Variants in HIF1A observed in about 807,000 individuals in gnomAD.
The protein encoded by HIF1A is hypoxia inducible factor 1 subunit alpha.
In HIF1A, 24 loss-of-function variants were observed where a neutral mutation model predicts 92.7. The observed-to-expected ratio is 0.26, with a 90% CI of 0.19 to 0.36. The LOEUF (loss-of-function observed/expected upper bound fraction) is 0.36. Among genes scored for constraint, HIF1A ranks in the 10% least tolerant of loss-of-function variants. The pLI, the probability that HIF1A is intolerant of heterozygous loss-of-function variation, is 1.00. For missense variants in HIF1A, 799 were observed against 998.5 expected (o/e 0.80, Z 2.69); for synonymous variants, 319 against 338.7 (o/e 0.94, Z 0.64).
intron 10 of HIF1A, among the ~76,000 whole-genome samples, chr14:61,738,738 GTTTGT>G (rs1208566150): frequency 3.9e-5 from 6 of 152,012 alleles, no homozygotes; most frequent in African/African-American, 1.4e-4. Flanking sequence ...ACCCCTTTTA[GTTTGT>G]TTTATTGTGT....
At position 61,738,092 on chromosome 14, in the gene HIF1A, G is replaced by C. The variant is rs752261975; in HGVS notation, c.1255G>C (p.Glu419Gln). Residue 419 changes from glutamate (E) to glutamine (Q), a missense_variant, in exon 10 of 15, where the codon GAA becomes CAA. Glu to Gln is a conservative substitution (Grantham distance 29). Coordinates refer to ENST00000337138, the MANE Select transcript of HIF1A (RefSeq NM_001530.4). The part of the protein sequence containing the change: ...ISLDFGSNDT[E>Q]TDDQQLEEVP... ...CTCATATTTTTTCCCCACAGACACA[G>C]AAACTGATGACCAGCAACTTGAGGA... The C allele has an allele frequency of 6.3e-7, 1 of 1,593,482 alleles. No homozygotes were observed. Among genetic ancestry groups the C allele is most frequent in the Non-Finnish European group, 8.5e-7 (1 of 1,170,746 alleles).
chr14:61,730,018 A>G (rs909021367), intron 6 of HIF1A, among the ~76,000 whole-genome samples: 1 of 152,210 alleles, frequency 6.6e-6, no homozygotes, highest in Non-Finnish European at 1.5e-5. Flanking sequence ...TTCCACAAAT[A>G]GCTGCTATTT....
In HIF1A at chr14:61,745,193, G is replaced by A. The variant is rs146030120; in HGVS notation, c.2202+380G>A. 2.7e-3 allele frequency among the ~76,000 whole-genome samples: 412 copies of A among 152,264 alleles called. 4 individuals carry two copies. Among genetic ancestry groups the A allele is most frequent in the African/African-American group, 9.2e-3 (381 of 41,540 alleles). On this transcript the variant is annotated intron_variant, in intron 13 of 14. Coordinates refer to ENST00000337138, the MANE Select transcript of HIF1A (RefSeq NM_001530.4). ...TAATCCCAGCACTTTGGGAGGCCAA[G>A]ATGAGGATCACTTGAGGTCAGGAGT...
At position 61,740,796 on chromosome 14, in the gene HIF1A, A is replaced by G. The variant is rs776857924; in HGVS notation, c.1701A>G (p.Pro567=). The G allele has an allele frequency of 4.3e-6, 7 of 1,614,120 alleles. No homozygotes were observed. The South Asian group carries it at 6.6e-5, about 15-fold the overall frequency. ...LDLEMLAPYI[P]MDDDFQLRSF... ...TGGAGATGTTAGCTCCCTATATCCCAATGGATGATGACTTCCAGTTACGTT... is the reference window on the plus strand; with the variant it reads ...TGGAGATGTTAGCTCCCTATATCCCGATGGATGATGACTTCCAGTTACGTT... The change falls in exon 12 of 15, where the codon CCA becomes CCG. Residue 567 remains proline (P), a synonymous_variant. Transcript: ENST00000337138.
intron 1 of HIF1A, among the ~76,000 whole-genome samples, chr14:61,714,396 A>G (rs1164225081): frequency 6.6e-6 from 1 of 152,206 alleles, no homozygotes; most frequent in Non-Finnish European, 1.5e-5. Context: ...TCAGTTCCTA[A>G]AATTCCTTCA....
chr14:61,720,496 G>T lies in HIF1A; in HGVS notation c.150G>T (p.Val50=), dbSNP rs994618118. The change falls in exon 2 of 15, where the codon GTG becomes GTT. Residue 50 remains valine (V), a synonymous_variant. Coordinates refer to ENST00000337138, the MANE Select transcript of HIF1A (RefSeq NM_001530.4). The stretch of plus-strand genomic sequence containing the variant: ...ATCAGTTGCCACTTCCACATAATGT[G>T]AGTTCGCATCTTGATAAGGCCTCTG... The part of the protein sequence containing the change: ...LAHQLPLPHN[V]SSHLDKASVM... 10 of 1,613,468 alleles carry T rather than the reference G, an allele frequency of 6.2e-6. No individual in the cohort carries two copies. The highest frequency in any genetic ancestry group is 1.3e-5 in the African/African-American group (1 of 74,902).
chr14:61,710,462 C>T (rs950785841), intron 1 of HIF1A, among the ~76,000 whole-genome samples: 1 of 152,234 alleles, frequency 6.6e-6, no homozygotes, highest in Non-Finnish European at 1.5e-5. Flanking sequence ...CAATAACATT[C>T]TCTAACATGT....
intron 10 of HIF1A, among the ~76,000 whole-genome samples, chr14:61,738,594 T>C (rs531994203): frequency 1.4e-4 from 22 of 152,350 alleles, no homozygotes; most frequent in South Asian, 6.2e-4. Context: ...AGAAACTAGC[T>C]TAATATAAAC....
chr14:61,702,154 A>C (rs2044184304), intron 1 of HIF1A, among the ~76,000 whole-genome samples: 1 of 150,588 alleles, frequency 6.6e-6, no homozygotes, highest in Non-Finnish European at 1.5e-5. Flanking sequence ...TCGGCCCGGC[A>C]CGGTGGCTCC....
At chr14:61,697,919 A>G in intron 1 of HIF1A, 1 of 1,523,182 alleles carries the variant, frequency 6.6e-7, no homozygotes, top group Non-Finnish European at 8.8e-7. Context: ...GAAACTCAAA[A>G]CCTGAAGAAT....
intron 1 of HIF1A, among the ~76,000 whole-genome samples, chr14:61,712,016 G>A (rs1001008935): frequency 3.9e-5 from 6 of 152,138 alleles, no homozygotes; most frequent in East Asian, 1.9e-4. Flanking sequence ...AAAAGTCTCC[G>A]CCTCTATGGA....
intron 8 of HIF1A, 127 bp downstream of exon 8, chr14:61,734,412 A>G (rs2044612006): frequency 1.5e-6 from 1 of 651,292 alleles, no homozygotes; most frequent in Non-Finnish European, 2.5e-6. Flanking sequence ...CATCGCTACC[A>G]AATTATTATT....
intron 9 of HIF1A, among the ~76,000 whole-genome samples, chr14:61,737,588 T>C (rs1325291504): frequency 6.6e-6 from 1 of 152,254 alleles, no homozygotes; most frequent in African/African-American, 2.4e-5. Context: ...GCGGTATCAA[T>C]AGTGGATTGT....
At chr14:61,712,579 A>G (rs2044319958) in intron 1 of HIF1A, among the ~76,000 whole-genome samples, 1 of 148,804 alleles carries the variant, frequency 6.7e-6, no homozygotes, top group African/African-American at 2.5e-5. Flanking sequence ...TGTAACTTAT[A>G]TCTAGTATGC....
intron 12 of HIF1A, among the ~76,000 whole-genome samples, chr14:61,742,881 G>T (rs867404981): frequency 0.16 from 1,100 of 6,762 alleles, 12 homozygotes; most frequent in African/African-American, 0.2. Flanking sequence ...GTGAAACTCG[G>T]TTTCAAAAAA....
Position 61,695,779 on chromosome 14 carries a change from G to A in HIF1A, c.-26G>A. On this transcript the variant is annotated 5_prime_UTR_variant, in exon 1 of 15. Transcript: ENST00000337138. ...AGCGAGCCTGGGGGCCGCCCGCCGT[G>A]AAGACATCGCGGGGACCGATTCACC... The A allele has an allele frequency of 1.3e-6, 2 of 1,591,686 alleles. No homozygotes were observed. Among genetic ancestry groups the A allele is most frequent in the Non-Finnish European group, 1.7e-6 (2 of 1,170,960 alleles).
chr14:61,722,772 A>G (rs932921709), intron 4 of HIF1A, among the ~76,000 whole-genome samples: 4 of 152,242 alleles, frequency 2.6e-5, no homozygotes, highest in African/African-American at 9.6e-5. Flanking sequence ...CCCACATATT[A>G]ACAAAAATAG....
At chr14:61,736,747 A>ATGAG (rs1352757904) in intron 8 of HIF1A, 142 bp from the exon 9 acceptor site, 7 of 625,102 alleles carry the variant, frequency 1.1e-5, no homozygotes, top group Non-Finnish European at 2.0e-5. Context: ...CACAGTACGC[A>ATGAG]TGAGTGATCA....
intron 12 of HIF1A, among the ~76,000 whole-genome samples, 155 bp downstream of exon 12, chr14:61,741,343 A>G (rs1214767027): frequency 6.8e-6 from 1 of 147,956 alleles, no homozygotes; most frequent in Non-Finnish European, 1.5e-5. Context: ...AATTAACCTC[A>G]TATATTTTTT....
Sources: allele counts gnomAD v4.1 joint callset (sites outside exome capture counted in the v4.1 genomes callset), GRCh38; gene constraint gnomAD v4.1.1; transcripts MANE v1.5; gene names NCBI Gene and HGNC (gene_info 2026-07-23, HGNC 2026-07-21).